RTN3: variants seen among roughly 807,000 people sequenced by gnomAD.
The protein encoded by RTN3 is reticulon-3.
A neutral mutation model predicts 77.8 loss-of-function variants in RTN3; 49 were observed. The observed-to-expected ratio is 0.63, with a 90% CI of 0.50 to 0.80. RTN3 has a LOEUF of 0.80. RTN3 is among the 30% of genes least tolerant of loss of function. The pLI, the probability that RTN3 is intolerant of heterozygous loss-of-function variation, is 0.00. For missense variants in RTN3, 1,236 were observed against 1,211.9 expected, an observed-to-expected ratio of 1.02 and a Z score of -0.29; for synonymous variants, 464 against 446.9, an observed-to-expected ratio of 1.04 and a Z score of -0.48.
At chr11:63,735,571 T>C (rs984156579) in intron 3 of RTN3, among the ~76,000 whole-genome samples, 12 of 143,932 alleles carry the variant, frequency 8.3e-5, no homozygotes, top group Admixed American at 2.8e-4. Context: ...TCTCTCTCTC[T>C]CTCTCTCTCT....
At chr11:63,686,738 TAGG>T (rs1402452219) in intron 1 of RTN3, among the ~76,000 whole-genome samples, 3 of 151,370 alleles carry the variant, frequency 2.0e-5, no homozygotes, top group African/African-American at 7.3e-5. Flanking sequence ...GAGACTGAGG[TAGG>T]AGGATGGCTT....
chr11:63,684,540 T>G (rs553498757), intron 1 of RTN3, among the ~76,000 whole-genome samples: 4 of 150,880 alleles, frequency 2.7e-5, no homozygotes, highest in African/African-American at 9.8e-5. Flanking sequence ...TGATCTGCCC[T>G]CCTCGGCCTC....
chr11:63,682,510 G>A (rs1368890811), intron 1 of RTN3, among the ~76,000 whole-genome samples: 1 of 152,122 alleles, frequency 6.6e-6, no homozygotes, highest in Non-Finnish European at 1.5e-5. Flanking sequence ...CCCTGGCGCT[G>A]CGTGGGGGTG....
intron 1 of RTN3, among the ~76,000 whole-genome samples, chr11:63,694,699 C>T (rs1941846515): frequency 6.6e-6 from 1 of 152,012 alleles, no homozygotes; most frequent in Non-Finnish European, 1.5e-5. Context: ...CTCAAGTGAT[C>T]CTCCCACCTC....
At chr11:63,740,120 C>T (rs1459862463) in intron 3 of RTN3, among the ~76,000 whole-genome samples, 1 of 152,194 alleles carries the variant, frequency 6.6e-6, no homozygotes, top group Non-Finnish European at 1.5e-5. Flanking sequence ...ATGTATCATA[C>T]TGCCTCTATC....
At position 63,758,661 on chromosome 11, in the gene RTN3, T is replaced by C. The variant is rs1468066329; in HGVS notation, c.*460T>C. The C allele has an allele frequency of 5.8e-5, 19 of 328,292 alleles. No individual in the cohort carries two copies. The highest frequency in any genetic ancestry group is 9.3e-5 in the Non-Finnish European group (17 of 182,964). 20.3% of individuals were successfully genotyped at this position (328,292 alleles called of 1,614,324 possible). On this transcript the variant is annotated 3_prime_UTR_variant, in exon 9 of 9. Coordinates refer to ENST00000377819, the MANE Select transcript of RTN3 (RefSeq NM_001265589.2). ...GAGTGTGATACCTTCCTTGGTTTTT[T>C]TTTGCAGCCCTCAAATCCTATCTTC...
intron 7 of RTN3, among the ~76,000 whole-genome samples, chr11:63,755,756 G>A (rs565402375): frequency 1.3e-3 from 203 of 150,630 alleles, no homozygotes; most frequent in Non-Finnish European, 2.2e-3. Flanking sequence ...TCAGGAGGTC[G>A]AGACCATCCT....
At chr11:63,707,165 C>T (rs1942534729) in intron 2 of RTN3, among the ~76,000 whole-genome samples, 1 of 152,160 alleles carries the variant, frequency 6.6e-6, no homozygotes, top group Admixed American at 6.5e-5. Flanking sequence ...TCCCAAAGTG[C>T]TGGCATTACA....
rs564593925 is a variant in RTN3 at position 63,723,487 on chromosome 11, G to A, written c.2530+2455G>A. On this transcript the variant is annotated intron_variant, in intron 3 of 8. Coordinates refer to ENST00000377819, the MANE Select transcript of RTN3 (RefSeq NM_001265589.2). ...TGCCCAGGCTGGAGTGCAGTGGCGC[G>A]ATCTCGGCTCACTGCAACCTCCACC... is the stretch of plus-strand genomic sequence containing the variant. Among the ~76,000 whole-genome samples the A allele has an allele frequency of 9.3e-5, 14 of 149,882 alleles. No individual in the cohort carries two copies. The East Asian group carries it at 9.8e-4, about 10-fold the overall frequency.
At chr11:63,740,207 A>G (rs942127259) in intron 3 of RTN3, among the ~76,000 whole-genome samples, 2 of 152,074 alleles carry the variant, frequency 1.3e-5, no homozygotes, top group Admixed American at 6.6e-5. Context: ...ACACTTTTTC[A>G]TAGAAAAGTT....
chr11:63,758,565 A>T lies in RTN3; in HGVS notation c.*364A>T, dbSNP rs2014505390. On this transcript the variant is annotated 3_prime_UTR_variant, in exon 9 of 9. Coordinates refer to ENST00000377819, the MANE Select transcript of RTN3 (RefSeq NM_001265589.2). Reference sequence around the variant, plus strand: ...CTGTCCAGTTTTCAGCACTAGTCTTACTCAGCTATCCATTATAGTTTTGCC... The same window carrying T: ...CTGTCCAGTTTTCAGCACTAGTCTTTCTCAGCTATCCATTATAGTTTTGCC... 2.0e-6 allele frequency: 1 copy of T among 491,528 alleles called. No homozygotes were observed. Among genetic ancestry groups the T allele is most frequent in the East Asian group, 3.2e-5 (1 of 31,624 alleles). The allele number at this position is 491,528 out of a possible 1,614,324, so 30.4% of individuals were successfully genotyped here. A position where few individuals can be genotyped will look rare whatever the true frequency, so the allele number is the denominator to read the frequency against.
intron 1 of RTN3, among the ~76,000 whole-genome samples, chr11:63,689,093 A>G (rs1386115612): frequency 6.6e-6 from 1 of 152,158 alleles, no homozygotes; most frequent in African/African-American, 2.4e-5. Flanking sequence ...GTTGATGATG[A>G]ATTTAGCCTC....
chr11:63,721,294 G>A (rs1044343662), intron 3 of RTN3, among the ~76,000 whole-genome samples: 1 of 151,814 alleles, frequency 6.6e-6, no homozygotes, highest in African/African-American at 2.4e-5. Flanking sequence ...TTCTATGCTC[G>A]CTGGGTACGG....
intron 1 of RTN3, among the ~76,000 whole-genome samples, chr11:63,694,359 A>G (rs1055221586): frequency 2.0e-5 from 3 of 152,088 alleles, no homozygotes; most frequent in Non-Finnish European, 4.4e-5. Flanking sequence ...TATTTTTAGT[A>G]GAGACGGGGT....
intron 1 of RTN3, among the ~76,000 whole-genome samples, chr11:63,686,091 C>T (rs1235835320): frequency 6.6e-6 from 1 of 152,120 alleles, no homozygotes; most frequent in African/African-American, 2.4e-5. Flanking sequence ...GCAAGAGTTG[C>T]CTTTATTAGG....
intron 1 of RTN3, among the ~76,000 whole-genome samples, chr11:63,692,973 AT>A (rs1478982194): frequency 6.6e-6 from 1 of 152,190 alleles, no homozygotes; most frequent in Non-Finnish European, 1.5e-5. Context: ...GTCTCACCAT[AT>A]TGCCCATGCT....
intron 1 of RTN3, among the ~76,000 whole-genome samples, chr11:63,697,007 C>G (rs1040336414): frequency 1.3e-5 from 2 of 150,836 alleles, no homozygotes; most frequent in African/African-American, 4.9e-5. Context: ...GCCTCAGCCT[C>G]CTGAGTAGCT....
intron 3 of RTN3, among the ~76,000 whole-genome samples, chr11:63,740,546 C>T (rs1315209839): frequency 6.6e-6 from 1 of 151,160 alleles, no homozygotes; most frequent in Non-Finnish European, 1.5e-5. Context: ...ATCCATCTGC[C>T]TCGGCCTCCT....
intron 1 of RTN3, among the ~76,000 whole-genome samples, chr11:63,704,178 T>G (rs1312110314): frequency 5.9e-5 from 9 of 152,024 alleles, no homozygotes; most frequent in Non-Finnish European, 1.3e-4. Flanking sequence ...AATTTTTGTA[T>G]TTTTAGTAGA....
Sources: allele counts gnomAD v4.1 joint callset (sites outside exome capture counted in the v4.1 genomes callset), GRCh38; gene constraint gnomAD v4.1.1; transcripts MANE v1.5; gene names NCBI Gene and HGNC (gene_info 2026-07-23, HGNC 2026-07-21).